Variants in CEP128 observed in about 807,000 individuals in gnomAD.
CEP128 encodes centrosomal protein 128, also known as centrosomal protein 128kDa.
CEP128 carries 132 observed loss-of-function variants against 156.7 expected under a neutral mutation model. That is an observed-to-expected ratio of 0.84 (90% CI 0.73 to 0.97). The LOEUF (loss-of-function observed/expected upper bound fraction) is 0.97. Ranked by LOEUF, CEP128 falls within the 50% of genes least tolerant of loss-of-function variation. The pLI is 0.00. For synonymous variants in CEP128, 469 were observed against 448.9 expected, an observed-to-expected ratio of 1.04 and a Z score of -0.57; for missense variants, 1,252 against 1,281.9, an observed-to-expected ratio of 0.98 and a Z score of 0.36.
At chr14:80,771,779 G>A (rs1261870665) in intron 16 of CEP128, among the ~76,000 whole-genome samples, 1 of 152,174 alleles carries the variant, frequency 6.6e-6, no homozygotes, top group African/African-American at 2.4e-5. Context: ...AAACAAGTAA[G>A]TATTAAATGA....
intron 19 of CEP128, among the ~76,000 whole-genome samples, chr14:80,737,160 C>T (rs1898572826): frequency 1.3e-5 from 2 of 151,894 alleles, no homozygotes; most frequent in African/African-American, 2.4e-5. Context: ...AATCCCAGCA[C>T]TTTGGGAGGC....
rs143766594 is a variant in CEP128 at position 80,902,870 on chromosome 14, A to G, written c.480+1943T>C. Among the ~76,000 whole-genome samples, 998 of 152,314 alleles carry G rather than the reference A, an allele frequency of 6.6e-3. 16 individuals are homozygous for G. The highest frequency in any genetic ancestry group is 0.023 in the African/African-American group (952 of 41,574). ...AGGGCTTACAAAAAATGTGCTGAAC[A>G]AGAAAGGAAACAAAACACGTCCAAT... On this transcript the variant is annotated intron_variant, in intron 6 of 24. Coordinates refer to ENST00000555265, the MANE Select transcript of CEP128 (RefSeq NM_152446.5).
At chr14:80,754,664 G>A (rs1206844715) in intron 18 of CEP128, among the ~76,000 whole-genome samples, 5 of 151,648 alleles carry the variant, frequency 3.3e-5, no homozygotes, top group Admixed American at 1.3e-4. Flanking sequence ...GGGGTTCACC[G>A]TGTTAGCTAG....
At chr14:80,690,466 T>C (rs1215944265) in intron 19 of CEP128, among the ~76,000 whole-genome samples, 1 of 150,892 alleles carries the variant, frequency 6.6e-6, no homozygotes, top group Non-Finnish European at 1.5e-5. Context: ...AATTTGATGT[T>C]AAGTGTAATA....
intron 19 of CEP128, among the ~76,000 whole-genome samples, chr14:80,610,180 G>A (rs1007686926): frequency 6.6e-6 from 1 of 152,016 alleles, no homozygotes. Flanking sequence ...CCAAATAAAT[G>A]TCTATTGGTC....
chr14:80,956,030 T>C, intron 2 of CEP128: 1 of 720,054 alleles, frequency 1.4e-6, no homozygotes, highest in Non-Finnish European at 2.4e-6. Flanking sequence ...CGCCCACACT[T>C]GGGAAGGTAT....
chr14:80,953,123 A>G (rs1203022171), intron 2 of CEP128, among the ~76,000 whole-genome samples: 1 of 152,258 alleles, frequency 6.6e-6, no homozygotes, highest in African/African-American at 2.4e-5. Context: ...TTTAAAGAGG[A>G]AGGAATATTT....
intron 2 of CEP128, among the ~76,000 whole-genome samples, chr14:80,938,266 A>ATTT (rs1885939722): frequency 2.8e-5 from 1 of 36,344 alleles, no homozygotes; most frequent in African/African-American, 8.4e-5. Flanking sequence ...TTTTTTTTTG[A>ATTT]GACAGAGTCT....
intron 19 of CEP128, among the ~76,000 whole-genome samples, chr14:80,691,706 C>T (rs1424237445): frequency 6.6e-6 from 1 of 151,976 alleles, no homozygotes; most frequent in Non-Finnish European, 1.5e-5. Flanking sequence ...TAGAGTTGAA[C>T]CAAATGAAAT....
In CEP128 at chr14:80,761,456, T is replaced by A. The variant is rs1899962819; in HGVS notation, c.2534A>T (p.Asp845Val). 1 of 1,608,226 alleles carries A rather than the reference T, an allele frequency of 6.2e-7. No individual in the cohort carries two copies. Among genetic ancestry groups the A allele is most frequent in the Non-Finnish European group, 8.5e-7 (1 of 1,176,132 alleles). ...AATTACTTTTAATTTCTCCACTGAG[T>A]CCTTGGAGAATGTTTTACAAGCTGC... ...IDAACKTFSK[D>V]SVEKLKVFSS... The change falls in exon 17 of 25, where the codon GAC (aspartate) becomes GTC (valine). Residue 845 changes from aspartate (D) to valine (V), a missense_variant. By Grantham distance (152) the Asp-to-Val change is radical (BLOSUM62 -3). Transcript: ENST00000555265.
At chr14:80,869,128 CTA>C (rs1887910810) in intron 8 of CEP128, among the ~76,000 whole-genome samples, 20 of 151,978 alleles carry the variant, frequency 1.3e-4, no homozygotes, top group Non-Finnish European at 4.4e-5. Flanking sequence ...ACAAGTGGAC[CTA>C]ACAAACATAT....
chr14:80,491,181 G>C (rs1239561266), intron 6 of CEP128, among the ~76,000 whole-genome samples: 1 of 152,142 alleles, frequency 6.6e-6, no homozygotes, highest in Non-Finnish European at 1.5e-5. Context: ...TGTTAATTTG[G>C]AACAGTCAAA....
intron 20 of CEP128, among the ~76,000 whole-genome samples, chr14:80,571,974 G>A (rs1891158474): frequency 6.6e-6 from 1 of 152,198 alleles, no homozygotes; most frequent in African/African-American, 2.4e-5. Context: ...TTGGAGGATT[G>A]TTGCGAGTAA....
intron 19 of CEP128, among the ~76,000 whole-genome samples, chr14:80,720,098 G>A (rs920787426): frequency 6.6e-6 from 1 of 151,964 alleles, no homozygotes; most frequent in African/African-American, 2.4e-5. Context: ...TGCATAGGGA[G>A]GTGGGGGCTA....
At chr14:80,927,605 G>A (rs902334260) in intron 2 of CEP128, among the ~76,000 whole-genome samples, 2 of 152,176 alleles carry the variant, frequency 1.3e-5, no homozygotes, top group Admixed American at 6.5e-5. Context: ...GTGACTGGGA[G>A]GTGGATTGCT....
Position 80,884,650 on chromosome 14 carries a change from T to G in CEP128, c.645+11068A>C, listed in dbSNP as rs548980297. Among the ~76,000 whole-genome samples, 49 of 152,182 alleles carry G rather than the reference T, an allele frequency of 3.2e-4. 2 individuals carry two copies. The highest frequency in any genetic ancestry group is 1.1e-3 in the African/African-American group (47 of 41,524). On this transcript the variant is annotated intron_variant, in intron 8 of 24. Transcript: ENST00000555265. The stretch of plus-strand genomic sequence containing the variant: ...CCCAGACACTATGCTTTTCCCATGG[T>G]TTTTGCAGCCCACAGACCAGGAGAT...
intron 19 of CEP128, among the ~76,000 whole-genome samples, chr14:80,587,430 G>C (rs1023694821): frequency 1.1e-4 from 17 of 152,136 alleles, no homozygotes; most frequent in African/African-American, 4.1e-4. Flanking sequence ...TGTCTGTCTT[G>C]GGTATGTGGT....
chr14:80,791,432 A>G (rs1901698025), intron 14 of CEP128, among the ~76,000 whole-genome samples: 2 of 152,206 alleles, frequency 1.3e-5, no homozygotes, highest in Admixed American at 1.3e-4. Flanking sequence ...TCTCAGCACC[A>G]TGGACTGGAA....
intron 19 of CEP128, among the ~76,000 whole-genome samples, chr14:80,678,079 C>T (rs901189392): frequency 3.0e-5 from 3 of 101,438 alleles, no homozygotes; most frequent in East Asian, 3.2e-4. Context: ...TATATATATG[C>T]TCAAGGAAAC....
Sources: allele counts gnomAD v4.1 joint callset (sites outside exome capture counted in the v4.1 genomes callset), GRCh38; gene constraint gnomAD v4.1.1; transcripts MANE v1.5; gene names NCBI Gene and HGNC (gene_info 2026-07-23, HGNC 2026-07-21).